The following GANC variants were observed in gnomAD, a reference collection of about 807,000 sequenced individuals.
The protein encoded by GANC is glucosidase alpha, neutral C.
A neutral mutation model predicts 124.2 loss-of-function variants in GANC; 117 were observed. The ratio of observed to expected loss-of-function variants is 0.94; its 90% CI spans 0.81 to 1.10. The LOEUF is 1.10. Among genes scored for constraint, GANC ranks in the 50% least tolerant of loss-of-function variants. The pLI, the probability that GANC is intolerant of heterozygous loss-of-function variation, is 0.00. For missense variants in GANC, 1,140 were observed against 1,095.0 expected, an observed-to-expected ratio of 1.04 and a Z score of -0.58; for synonymous variants, 377 against 376.8, an observed-to-expected ratio of 1.00 and a Z score of -0.01.
chr15:42,283,078 A>G (rs2051749822), intron 3 of GANC, among the ~76,000 whole-genome samples: 2 of 152,202 alleles, frequency 1.3e-5, no homozygotes, highest in African/African-American at 4.8e-5. Flanking sequence ...GGGCTTTAAT[A>G]GGAAACTTTG....
At chr15:42,340,535 C>A (rs151286298) in intron 17 of GANC, among the ~76,000 whole-genome samples, 155 bp from the exon 18 acceptor site, 1 of 149,688 alleles carries the variant, frequency 6.7e-6, no homozygotes, top group Non-Finnish European at 1.5e-5. Flanking sequence ...ACCCAAGAGG[C>A]GGAAACTGCA....
At chr15:42,342,733 G>A (rs918853303) in intron 18 of GANC, among the ~76,000 whole-genome samples, 1 of 152,224 alleles carries the variant, frequency 6.6e-6, no homozygotes, top group African/African-American at 2.4e-5. Context: ...AAACAGTAAA[G>A]CACTTGGAAA....
chr15:42,313,963 GCAA>G (rs201530215), intron 10 of GANC: 2 of 646,814 alleles, frequency 3.1e-6, no homozygotes, highest in African/African-American at 3.7e-5. Flanking sequence ...AAAAACAACA[GCAA>G]CAACAACAAC....
Position 42,330,654 on chromosome 15 carries a change from G to A in GANC, c.1723G>A (p.Ala575Thr), listed in dbSNP as rs2052236145. 2 of 1,606,668 alleles carry A rather than the reference G, an allele frequency of 1.2e-6. No homozygotes were observed. Among genetic ancestry groups the A allele is most frequent in the African/African-American group, 2.7e-5 (2 of 74,236 alleles). Residue 575 changes from alanine to threonine, a missense_variant, in exon 15 of 24, where the codon GCT becomes ACT. Transcript: ENST00000318010. ...CTTTGTTCTTACACGTTCTTTCTTT[G>A]CTGGATCACAAAAGTATGGTAAGGA... ...RPFVLTRSFFAGSQKYGAVWT... is the reference protein window; with the variant it reads ...RPFVLTRSFFTGSQKYGAVWT...
intron 14 of GANC, among the ~76,000 whole-genome samples, chr15:42,330,300 A>G (rs780622216): frequency 5.9e-5 from 9 of 152,226 alleles, no homozygotes; most frequent in Non-Finnish European, 1.2e-4. Context: ...AGAAAATTAT[A>G]TTAAATGCCT....
intron 10 of GANC, among the ~76,000 whole-genome samples, chr15:42,312,472 C>T (rs140526601): frequency 0.011 from 1,639 of 152,306 alleles, 26 homozygotes; most frequent in African/African-American, 0.036. Context: ...GTGACATGCT[C>T]CTCCTTGCCT....
Position 42,273,440 on chromosome 15 carries a change from T to C in GANC, c.-1042T>C. ...TGCCTACCGAAAGCATTTCACCCTCTTCCGGTTCGTCCCGCCTTCTTCCGG... is the reference window on the plus strand; with the variant it reads ...TGCCTACCGAAAGCATTTCACCCTCCTCCGGTTCGTCCCGCCTTCTTCCGG... On this transcript the variant is annotated 5_prime_UTR_variant, in exon 1 of 24. Transcript: ENST00000318010. 6.2e-7 allele frequency: 1 copy of C among 1,610,394 alleles called. No individual in the cohort carries two copies. Among genetic ancestry groups the C allele is most frequent in the Non-Finnish European group, 8.5e-7 (1 of 1,178,460 alleles).
intron 2 of GANC, among the ~76,000 whole-genome samples, chr15:42,276,840 G>T (rs2051676454): frequency 6.6e-6 from 1 of 150,972 alleles, no homozygotes; most frequent in African/African-American, 2.4e-5. Flanking sequence ...TTATATTATT[G>T]CTTTTCTCTT....
At chr15:42,336,757 C>T (rs1386903531) in intron 15 of GANC, among the ~76,000 whole-genome samples, 1 of 152,100 alleles carries the variant, frequency 6.6e-6, no homozygotes, top group East Asian at 1.9e-4. Flanking sequence ...TAATATCCAG[C>T]ATCTATAAGG....
At chr15:42,315,464 G>A (rs1270904948) in intron 10 of GANC, among the ~76,000 whole-genome samples, 1 of 152,122 alleles carries the variant, frequency 6.6e-6, no homozygotes, top group Non-Finnish European at 1.5e-5. Flanking sequence ...CACCCACTAG[G>A]ATGGCTAAAT....
intron 12 of GANC, among the ~76,000 whole-genome samples, chr15:42,326,992 G>A (rs1239701541): frequency 2.6e-5 from 4 of 152,172 alleles, no homozygotes; most frequent in African/African-American, 7.2e-5. Flanking sequence ...GAGAAACCCC[G>A]TGCCTTTCTT....
intron 10 of GANC, among the ~76,000 whole-genome samples, chr15:42,315,311 C>T (rs1038607936): frequency 6.6e-6 from 1 of 151,980 alleles, no homozygotes; most frequent in Non-Finnish European, 1.5e-5. Context: ...AGATAAACAA[C>T]CCAATTCTAA....
At chr15:42,295,232 C>G (rs1024325394) in intron 5 of GANC, among the ~76,000 whole-genome samples, 2 of 152,050 alleles carry the variant, frequency 1.3e-5, no homozygotes, top group Admixed American at 1.3e-4. Flanking sequence ...CCTCAGCCTC[C>G]CAAAGTGCTG....
intron 6 of GANC, among the ~76,000 whole-genome samples, chr15:42,298,777 T>C (rs919673242): frequency 6.6e-6 from 1 of 152,208 alleles, no homozygotes; most frequent in African/African-American, 2.4e-5. Context: ...GCCCTTCACA[T>C]CCCTTGTTAG....
At position 42,286,013 on chromosome 15, in the gene GANC, T is replaced by G. The variant is rs561569664; in HGVS notation, c.202-1678T>G. 5.8e-4 allele frequency among the ~76,000 whole-genome samples: 89 copies of G among 152,160 alleles called. 1 individual carries two copies. In the East Asian group the frequency reaches 0.015, roughly 26 times the overall value. On this transcript the variant is annotated intron_variant, in intron 3 of 23. Transcript: ENST00000318010. ...TCTTTGGTTTAAACAAAAATTAGTT[T>G]TTTTTTTTTTGTAGAGAAAGCTGTT...
At chr15:42,279,824 T>G (rs1402045036) in intron 3 of GANC, among the ~76,000 whole-genome samples, 1 of 152,202 alleles carries the variant, frequency 6.6e-6, no homozygotes, top group East Asian at 1.9e-4. Context: ...AAGCTGACGT[T>G]CGTGGCAAAG....
At position 42,337,419 on chromosome 15, in the gene GANC, G is replaced by A. The variant is rs568106532; in HGVS notation, c.1742-970G>A. 1.6e-4 allele frequency among the ~76,000 whole-genome samples: 24 copies of A among 152,196 alleles called. No individual in the cohort carries two copies. In the East Asian group the frequency reaches 4.4e-3, roughly 28 times the overall value. Reference sequence around the variant, plus strand: ...CATGCCCTGTGCAGGAACATGGATGGAGTTGGAGGCCATTATCCTTAGCAA... The same window carrying A: ...CATGCCCTGTGCAGGAACATGGATGAAGTTGGAGGCCATTATCCTTAGCAA... On this transcript the variant is annotated intron_variant, in intron 15 of 23. Coordinates refer to ENST00000318010, the MANE Select transcript of GANC (RefSeq NM_198141.3).
intron 18 of GANC, among the ~76,000 whole-genome samples, 184 bp from the exon 19 acceptor site, chr15:42,342,894 C>T (rs1234573010): frequency 2.0e-5 from 3 of 150,680 alleles, no homozygotes; most frequent in Non-Finnish European, 4.4e-5. Context: ...CCTCTTTGAG[C>T]GCCTGCCCTC....
chr15:42,350,333 C>T (rs755780194), intron 22 of GANC, among the ~76,000 whole-genome samples: 7 of 151,792 alleles, frequency 4.6e-5, no homozygotes, highest in South Asian at 2.1e-4. Context: ...CCCATCTCCC[C>T]GACTTTCTAA....
Sources: allele counts gnomAD v4.1 joint callset (sites outside exome capture counted in the v4.1 genomes callset), GRCh38; gene constraint gnomAD v4.1.1; transcripts MANE v1.5; gene names NCBI Gene and HGNC (gene_info 2026-07-23, HGNC 2026-07-21).